HEXB: variants seen among roughly 807,000 people sequenced by gnomAD.
The protein encoded by HEXB is hexosaminidase subunit beta, also known as beta-hexosaminidase subunit beta.
Under a neutral mutation model 71.2 loss-of-function variants are expected in HEXB, and 51 were observed. The ratio of observed to expected loss-of-function variants is 0.72; its 90% CI spans 0.57 to 0.90. The LOEUF is 0.90. HEXB is among the 40% of genes least tolerant of loss of function. The probability of loss-of-function intolerance (pLI) is 0.00; values close to 1 mark genes in which losing one functional copy is unlikely to be tolerated. For synonymous variants in HEXB, 266 were observed against 249.3 expected, an observed-to-expected ratio of 1.07 and a Z score of -0.63; for missense variants, 617 against 677.0, an observed-to-expected ratio of 0.91 and a Z score of 0.98.
rs771439215 is a variant in HEXB at position 74,652,715 on chromosome 5, G to T, written c.-377+12157G>T. ...GTGTTCTTGAGCAGCCAAAAGTCAG[G>T]GATAGAGGCTCATCTGGTCCTCCCA... On this transcript the variant is annotated intron_variant, in intron 1 of 13. Transcript: ENST00000511181. The surrounding 1 kb of genome is among the most constrained non-coding windows in gnomAD (Gnocchi z 5.4). Among the ~76,000 whole-genome samples, 1 of 151,958 alleles carries T rather than the reference G, an allele frequency of 6.6e-6. No homozygotes were observed. The highest frequency in any genetic ancestry group is 1.5e-5 in the Non-Finnish European group (1 of 68,008).
intron 5 of HEXB, among the ~76,000 whole-genome samples, chr5:74,702,948 C>T (rs1749297813): frequency 6.6e-6 from 1 of 152,066 alleles, no homozygotes; most frequent in African/African-American, 2.4e-5. Flanking sequence ...GTTACTTTCC[C>T]TGTTTTTTTG....
chr5:74,689,228 G>A, intron 1 of HEXB, 100 bp from the exon 2 acceptor site: 1 of 880,182 alleles, frequency 1.1e-6, no homozygotes, highest in Non-Finnish European at 1.9e-6. Context: ...ACAATGGGCA[G>A]CATGGATTTG....
intron 5 of HEXB, among the ~76,000 whole-genome samples, chr5:74,702,314 G>A (rs1326321450): frequency 2.0e-5 from 3 of 151,628 alleles, no homozygotes; most frequent in Non-Finnish European, 2.9e-5. Context: ...TCCTGACCTC[G>A]TGATCCGCCC....
chr5:74,698,454 C>T (rs1749170004), intron 5 of HEXB, among the ~76,000 whole-genome samples: 2 of 151,388 alleles, frequency 1.3e-5, no homozygotes, highest in South Asian at 4.2e-4. Context: ...GGCAGTGGTG[C>T]AATCTTGGCT....
chr5:74,686,798 A>C (rs928317104), intron 1 of HEXB, among the ~76,000 whole-genome samples: 8 of 152,232 alleles, frequency 5.3e-5, no homozygotes, highest in Non-Finnish European at 4.4e-5. Context: ...GAAAGATTGC[A>C]TGGAAAGTAC....
At chr5:74,718,652 A>C in intron 10 of HEXB, 145 bp from the exon 11 acceptor site, 1 of 832,938 alleles carries the variant, frequency 1.2e-6, no homozygotes. Context: ...CATGGCACTA[A>C]CTCTGAAGAA....
intron 1 of HEXB, among the ~76,000 whole-genome samples, chr5:74,677,232 G>A (rs114797744): frequency 2.2e-3 from 328 of 152,180 alleles, no homozygotes; most frequent in African/African-American, 7.7e-3. Flanking sequence ...AATGAATGAA[G>A]CAGCTAGAAA....
At position 74,652,687 on chromosome 5, in the gene HEXB, A is replaced by G. The variant is rs1398325583; in HGVS notation, c.-377+12129A>G. Among the ~76,000 whole-genome samples the G allele has an allele frequency of 6.6e-6, 1 of 152,132 alleles. No individual in the cohort carries two copies. Among genetic ancestry groups the G allele is most frequent in the Non-Finnish European group, 1.5e-5 (1 of 68,016 alleles). On this transcript the variant is annotated intron_variant, in intron 1 of 13. Transcript: ENST00000511181. The surrounding 1 kb of genome is among the most constrained non-coding windows in gnomAD (Gnocchi z 5.4). ...ACCCCCAGGATTGTGTCCAAGTTCC[A>G]AAGTGTTCTTGAGCAGCCAAAAGTC... is the stretch of plus-strand genomic sequence containing the variant.
chr5:74,677,740 A>G (rs1748662470), intron 1 of HEXB, among the ~76,000 whole-genome samples: 1 of 151,704 alleles, frequency 6.6e-6, no homozygotes, highest in Non-Finnish European at 1.5e-5. Flanking sequence ...TTGGGGTACA[A>G]GTGGTTTTTT....
At chr5:74,713,446 C>T in intron 6 of HEXB, 60 bp from the exon 7 acceptor site, 1 of 1,549,982 alleles carries the variant, frequency 6.5e-7, no homozygotes, top group African/African-American at 1.4e-5. Flanking sequence ...CAATTGTTAA[C>T]AATTTCCAGG....
chr5:74,682,224 G>A (rs2112117011), upstream of HEXB, among the ~76,000 whole-genome samples: 1 of 152,364 alleles, frequency 6.6e-6, no homozygotes, highest in Non-Finnish European at 1.5e-5. Flanking sequence ...CGGGCGTGGT[G>A]GCGGGCGCCT....
intron 2 of HEXB, among the ~76,000 whole-genome samples, chr5:74,690,931 G>A (rs1293918786): frequency 6.6e-6 from 1 of 152,166 alleles, no homozygotes; most frequent in Non-Finnish European, 1.5e-5. Context: ...GACACCATGT[G>A]AAGTAGGTTT....
chr5:74,706,340 T>C (rs997056606), intron 6 of HEXB, among the ~76,000 whole-genome samples: 1 of 152,132 alleles, frequency 6.6e-6, no homozygotes, highest in Non-Finnish European at 1.5e-5. Context: ...TAGGAACAGC[T>C]CCCGTCTACA....
upstream of HEXB, chr5:74,685,164 C>T: frequency 3.0e-6 from 4 of 1,319,870 alleles, no homozygotes; most frequent in Non-Finnish European, 4.0e-6. Context: ...GACTCGGTGA[C>T]TCACCCGCGG....
intron 2 of HEXB, among the ~76,000 whole-genome samples, chr5:74,690,381 G>A (rs12521189): frequency 0.23 from 34,764 of 151,762 alleles, 4,487 homozygotes; most frequent in African/African-American, 0.34. Flanking sequence ...TGGACGCTGT[G>A]GCTCATACCT....
At position 74,721,257 on chromosome 5, in the gene HEXB, GTTTTTTGAATA is replaced by G. The variant is rs1455879032; in HGVS notation, c.*83_*93del. ...ATCATGTAAAATAAGATATTAGACT[GTTTTTTGAATA>G]AAATATTTTTATTGATTGAACCTTT... On this transcript the variant is annotated 3_prime_UTR_variant, in exon 14 of 14. Transcript: ENST00000261416. The G allele has an allele frequency of 1.2e-6, 1 of 868,764 alleles. No individual in the cohort carries two copies. Among genetic ancestry groups the G allele is most frequent in the Admixed American group, 2.4e-5 (1 of 42,510 alleles). 53.8% of individuals were successfully genotyped at this position (868,764 alleles called of 1,614,324 possible). A position where few individuals can be genotyped will look rare whatever the true frequency, so the allele number is the denominator to read the frequency against.
chr5:74,700,151 C>T (rs1749228087), intron 5 of HEXB, among the ~76,000 whole-genome samples: 1 of 150,912 alleles, frequency 6.6e-6, no homozygotes, highest in African/African-American at 2.4e-5. Context: ...GGATTACAGG[C>T]ATGCACCACC....
intron 6 of HEXB, among the ~76,000 whole-genome samples, chr5:74,707,156 A>T (rs1388692716): frequency 6.6e-6 from 1 of 152,152 alleles, no homozygotes; most frequent in Admixed American, 6.6e-5. Flanking sequence ...TTCTGCAGAC[A>T]CCGCTGCTGA....
chr5:74,674,932 A>G (rs10515187), intron 1 of HEXB, among the ~76,000 whole-genome samples: 32,227 of 152,144 alleles, frequency 0.21, 3,590 homozygotes, highest in African/African-American at 0.26. Context: ...CTCATTTCCC[A>G]TAGCTAGCTG....
Sources: gnomAD v4.1 joint callset for allele counts (sites outside exome capture counted in the v4.1 genomes callset) on GRCh38, gnomAD v4.1.1 for gene constraint, Gnocchi (gnomAD v3.1) non-coding constraint, MANE v1.5 for transcripts, NCBI Gene and HGNC (gene_info 2026-07-23, HGNC 2026-07-21) for gene names.